PKD1L1: variants seen among roughly 807,000 people sequenced by gnomAD.
The protein encoded by PKD1L1 is polycystin 1 like 1, transient receptor potential channel interacting, also known as polycystin-1-like protein 1.
PKD1L1 carries 236 observed loss-of-function variants against 323.4 expected under a neutral mutation model. The observed-to-expected ratio is 0.73, with a 90% CI of 0.66 to 0.81. PKD1L1 has a LOEUF of 0.81. PKD1L1 is among the 40% of genes least tolerant of loss of function. PKD1L1 has a pLI of 0.00. For missense variants in PKD1L1, 3,320 were observed against 3,508.0 expected (o/e 0.95, Z 1.35); for synonymous variants, 1,344 against 1,335.0 (o/e 1.01, Z -0.15).
Position 47,853,113 on chromosome 7 carries a change from C to A in PKD1L1, c.4960+14G>T, listed in dbSNP as rs1296828156. ...GTAAACAGAAAGGGAAAATAAGGCG[C>A]CCTGTTCACTGACCTTTCTGAGAAG... On this transcript the variant is annotated intron_variant, in intron 31 of 56. Transcript: ENST00000289672. 6.4e-7 allele frequency: 1 copy of A among 1,565,510 alleles called. No individual in the cohort carries two copies. Among genetic ancestry groups the A allele is most frequent in the East Asian group, 2.2e-5 (1 of 44,612 alleles).
chr7:47,829,278 G>T, intron 44 of PKD1L1, 147 bp downstream of exon 44: 2 of 746,174 alleles, frequency 2.7e-6, no homozygotes, highest in Non-Finnish European at 2.1e-6. Context: ...ACAGGTATGT[G>T]CAAAGAAGCA....
intron 8 of PKD1L1, among the ~76,000 whole-genome samples, 180 bp from the exon 9 acceptor site, chr7:47,908,430 A>G (rs1008731136): frequency 2.6e-5 from 4 of 152,252 alleles, no homozygotes; most frequent in African/African-American, 9.6e-5. Flanking sequence ...ACAGTTGCAC[A>G]GAGCCCCTCA....
At chr7:47,893,158 A>T (rs1467625211) in intron 15 of PKD1L1, among the ~76,000 whole-genome samples, 1 of 134,690 alleles carries the variant, frequency 7.4e-6, no homozygotes, top group African/African-American at 2.8e-5. Flanking sequence ...TGAATCCGGG[A>T]GGCGGAGTTT....
rs77704694 is a variant in PKD1L1 at position 47,787,731 on chromosome 7, A to G, written c.8526+4896T>C. On this transcript the variant is annotated intron_variant, in intron 56 of 56. Coordinates refer to ENST00000289672, the MANE Select transcript of PKD1L1 (RefSeq NM_138295.5). ...GGACTTTGTTTTCATTTGCTTTTTG[A>G]GACAGGTTTTCACTCTGTTTCCCAG... 2.0e-3 allele frequency among the ~76,000 whole-genome samples: 307 copies of G among 152,234 alleles called. 5 individuals carry two copies. In the East Asian group the frequency reaches 0.055, roughly 27 times the overall value.
Position 47,940,313 on chromosome 7 carries a change from G to T in PKD1L1, c.165C>A (p.Val55=), listed in dbSNP as rs1191722118. ...TCATAAGAAGCACATGATTAGCATAGACCTCTAGAGAAAAAAAAAAAAGCA... is the reference window on the plus strand; with the variant it reads ...TCATAAGAAGCACATGATTAGCATATACCTCTAGAGAAAAAAAAAAAAGCA... ...SPPGGGLWVE[V]YANHVLLMSD... Residue 55 remains valine (V), a synonymous_variant, in exon 3 of 57, where the codon GTC becomes GTA. Coordinates refer to ENST00000289672, the MANE Select transcript of PKD1L1 (RefSeq NM_138295.5). The T allele has an allele frequency of 1.2e-6, 2 of 1,607,976 alleles. No individual in the cohort carries two copies. The highest frequency in any genetic ancestry group is 2.7e-5 in the African/African-American group (2 of 74,462).
intron 45 of PKD1L1, among the ~76,000 whole-genome samples, chr7:47,821,776 G>A (rs1446758745): frequency 3.4e-5 from 5 of 148,332 alleles, no homozygotes; most frequent in East Asian, 2.0e-4. Context: ...CAACCTCCCC[G>A]TCCCCAGTTC....
Position 47,839,733 on chromosome 7 carries a change from T to C in PKD1L1, c.5553-71A>G. The C allele has an allele frequency of 7.0e-7, 1 of 1,423,804 alleles. No homozygotes were observed. Among genetic ancestry groups the C allele is most frequent in the Non-Finnish European group, 9.6e-7 (1 of 1,041,670 alleles). 88.2% of individuals were successfully genotyped at this position (1,423,804 alleles called of 1,614,324 possible). ...GGTCCTGGCATCCCATCAGCCCCAA[T>C]GCTCACCCTCAAGGCACTGATGGCC... On this transcript the variant is annotated intron_variant, in intron 35 of 56. Coordinates refer to ENST00000289672, the MANE Select transcript of PKD1L1 (RefSeq NM_138295.5). The surrounding 1 kb of genome is among the most constrained non-coding windows in gnomAD (Gnocchi z 4.3).
At chr7:47,795,951 T>A in intron 55 of PKD1L1, 38 bp downstream of exon 55, 1 of 1,591,472 alleles carries the variant, frequency 6.3e-7, no homozygotes, top group South Asian at 1.1e-5. Context: ...CTTGAGTGTG[T>A]GCTATCATGC....
intron 28 of PKD1L1, among the ~76,000 whole-genome samples, chr7:47,855,875 C>CAAAAA (rs536157879): frequency 9.2e-3 from 298 of 32,460 alleles, no homozygotes; most frequent in African/African-American, 0.014. Context: ...GACTCCGTCT[C>CAAAAA]AAAAAAAAAA....
chr7:47,834,599 C>A (rs552872760), intron 39 of PKD1L1, among the ~76,000 whole-genome samples: 1 of 152,290 alleles, frequency 6.6e-6, no homozygotes, highest in African/African-American at 2.4e-5. Context: ...CCCTCACACC[C>A]ACTTGAGGCT....
intron 46 of PKD1L1, among the ~76,000 whole-genome samples, chr7:47,817,227 T>C (rs7777539): frequency 0.4 from 60,661 of 151,870 alleles, 12,610 homozygotes; most frequent in East Asian, 0.63. Flanking sequence ...TGAGACTTCA[T>C]CTAAAACAAA....
intron 24 of PKD1L1, among the ~76,000 whole-genome samples, chr7:47,870,972 CAAAAAAAAAAAGAAAAA>C (rs1373087322): frequency 1.5e-5 from 1 of 66,128 alleles, no homozygotes; most frequent in East Asian, 3.8e-4. Context: ...AACCTTGTCT[CAAAAAAAAAAAGAAAAA>C]AAAAAAAAAA....
chr7:47,845,914 A>C (rs1361367652), intron 32 of PKD1L1, among the ~76,000 whole-genome samples: 1 of 152,196 alleles, frequency 6.6e-6, no homozygotes, highest in African/African-American at 2.4e-5. Context: ...GCTCATAAAA[A>C]AGTGCCTAGC....
At chr7:47,812,687 A>G (rs780869731) in intron 49 of PKD1L1, among the ~76,000 whole-genome samples, 1 of 152,038 alleles carries the variant, frequency 6.6e-6, no homozygotes, top group Non-Finnish European at 1.5e-5. Flanking sequence ...CTGACCTCAG[A>G]CCTAGCTGCA....
At chr7:47,903,026 C>T (rs1283836289) in intron 12 of PKD1L1, among the ~76,000 whole-genome samples, 1 of 152,138 alleles carries the variant, frequency 6.6e-6, no homozygotes. Context: ...AGCCTGTCTC[C>T]GGGTAAGGGG....
intron 46 of PKD1L1, among the ~76,000 whole-genome samples, chr7:47,816,525 C>T (rs1015380848): frequency 2.0e-5 from 3 of 152,164 alleles, no homozygotes; most frequent in African/African-American, 7.2e-5. Flanking sequence ...AAAAAACTTT[C>T]TCATACATAG....
At position 47,839,579 on chromosome 7, in the gene PKD1L1, T is replaced by C. The variant is rs1269631868; in HGVS notation, c.5636A>G (p.His1879Arg). Residue 1879 changes from histidine to arginine, a missense_variant, in exon 36 of 57, where the codon CAC becomes CGC. His to Arg is a conservative substitution (Grantham distance 29, BLOSUM62 0). Coordinates refer to ENST00000289672, the MANE Select transcript of PKD1L1 (RefSeq NM_138295.5). The surrounding 1 kb of genome is among the most constrained non-coding windows in gnomAD (Gnocchi z 4.3). ...CGTGTGCAGCTCCTTCACCATCACG[T>C]GGCTGATGAACCAGCCTGGGGAAGG... ...RGPSPGWFIS[H>R]VMVKELHTGQ... The C allele has an allele frequency of 7.5e-6, 12 of 1,602,906 alleles. No homozygotes were observed. The highest frequency in any genetic ancestry group is 1.0e-5 in the Non-Finnish European group (12 of 1,175,148).
At chr7:47,834,526 G>C in intron 39 of PKD1L1, 141 bp from the exon 40 acceptor site, 1 of 753,526 alleles carries the variant, frequency 1.3e-6, no homozygotes, top group Non-Finnish European at 2.2e-6. Flanking sequence ...GAGTATTTCT[G>C]AGAGGATAAG....
intron 31 of PKD1L1, among the ~76,000 whole-genome samples, chr7:47,847,799 T>C (rs7781801): frequency 0.19 from 29,371 of 151,972 alleles, 3,050 homozygotes; most frequent in Middle Eastern, 0.23. Flanking sequence ...GAATGACTTC[T>C]TTTATAATCT....
Sources: allele counts gnomAD v4.1 joint callset (sites outside exome capture counted in the v4.1 genomes callset), GRCh38; gene constraint gnomAD v4.1.1; non-coding constraint Gnocchi (gnomAD v3.1); transcripts MANE v1.5; gene names NCBI Gene and HGNC (gene_info 2026-07-23, HGNC 2026-07-21).